The following IQGAP3 variants were observed in gnomAD, a reference collection of about 807,000 sequenced individuals.
IQGAP3 encodes the protein IQ motif containing GTPase activating protein 3.
Under a neutral mutation model 208.2 loss-of-function variants are expected in IQGAP3, and 165 were observed. The observed-to-expected ratio is 0.79, with a 90% CI of 0.70 to 0.90. The LOEUF is 0.90. Ranked by LOEUF, IQGAP3 falls within the 40% of genes least tolerant of loss-of-function variation. IQGAP3 has a pLI of 0.00. For synonymous variants in IQGAP3, 703 were observed against 803.6 expected, an observed-to-expected ratio of 0.87 and a Z score of 2.12; for missense variants, 1,811 against 2,043.1, an observed-to-expected ratio of 0.89 and a Z score of 2.19.
chr1:156,538,717 A>G, intron 26 of IQGAP3, 92 bp downstream of exon 26: 1 of 1,063,720 alleles, frequency 9.4e-7, no homozygotes, highest in Non-Finnish European at 1.4e-6. Flanking sequence ...CCACCTTCAA[A>G]GTACACCCAA....
At chr1:156,551,296 T>C (rs958975038) in intron 15 of IQGAP3, among the ~76,000 whole-genome samples, 4 of 152,218 alleles carry the variant, frequency 2.6e-5, no homozygotes, top group Admixed American at 2.0e-4. Flanking sequence ...CACTCTCTAC[T>C]GCAACATACT....
At chr1:156,552,964 C>T (rs189472677) in intron 13 of IQGAP3, among the ~76,000 whole-genome samples, 1 of 152,262 alleles carries the variant, frequency 6.6e-6, no homozygotes, top group East Asian at 1.9e-4. Context: ...GTCCTAGCTA[C>T]TTGGGAGGCT....
rs1204683864 is a variant in IQGAP3, at chr1:156,552,212, T to C, written c.1449-117A>G. The C allele has an allele frequency of 1.3e-5, 17 of 1,268,590 alleles. No homozygotes were observed. The South Asian group carries it at 2.3e-4, about 17-fold the overall frequency. 78.6% of individuals were successfully genotyped at this position (1,268,590 alleles called of 1,614,324 possible). On this transcript the variant is annotated intron_variant, in intron 13 of 37. Transcript: ENST00000361170. ...CCTCCAGGACACCACACTCTTTTAG[T>C]TCTCTTCTTGCCTCACAGGCTATTC...
intron 2 of IQGAP3, among the ~76,000 whole-genome samples, chr1:156,567,746 T>C (rs1169571987): frequency 6.6e-6 from 1 of 152,178 alleles, no homozygotes; most frequent in Admixed American, 6.5e-5. Flanking sequence ...ATCCTGTTGA[T>C]TAAAAGCAAA....
At chr1:156,550,386 C>G (rs780412982) in intron 15 of IQGAP3, 35 bp from the exon 16 acceptor site, 11 of 1,511,966 alleles carry the variant, frequency 7.3e-6, no homozygotes, top group Admixed American at 1.7e-5. Context: ...AGATGTGACC[C>G]CAAGCTAGTC....
Position 156,563,797 on chromosome 1 carries a change from G to T in IQGAP3, c.465C>A (p.Ala155=). ...TCCCGTATAGATCATGTATCTGAGG[G>T]GCCAATCCCAGCCGGAAGAGGAAGA... ...LSLFLFRLGL[A]PQIHDLYGKV... is the part of the protein sequence containing the mutation. Residue 155 remains alanine, a synonymous_variant, in exon 6 of 38, where the codon GCC becomes GCA. Coordinates refer to ENST00000361170, the MANE Select transcript of IQGAP3 (RefSeq NM_178229.5). 1 of 1,613,982 alleles carries T rather than the reference G, an allele frequency of 6.2e-7. No homozygotes were observed. Among genetic ancestry groups the T allele is most frequent in the Non-Finnish European group, 8.5e-7 (1 of 1,179,960 alleles).
chr1:156,555,379 C>T (rs1034900930), intron 12 of IQGAP3, among the ~76,000 whole-genome samples: 7 of 152,234 alleles, frequency 4.6e-5, no homozygotes, highest in South Asian at 2.1e-4. Context: ...TGTGCCACCA[C>T]CACACCTGGC....
At chr1:156,564,792 G>A (rs1406959131) in intron 4 of IQGAP3, 101 bp from the exon 5 acceptor site, 7 of 818,790 alleles carry the variant, frequency 8.5e-6, no homozygotes, top group Non-Finnish European at 1.5e-5. Context: ...CCAACCTGAG[G>A]TGTGTGTTCC....
At position 156,535,229 on chromosome 1, in the gene IQGAP3, CACATATCGCATCCCAT is replaced by C. The variant is rs1674637076; in HGVS notation, c.3425_3440del (p.Tyr1142TrpfsTer5). 1 of 1,612,724 alleles carries C rather than the reference CACATATCGCATCCCAT, an allele frequency of 6.2e-7. No individual in the cohort carries two copies. The highest frequency in any genetic ancestry group is 1.3e-5 in the African/African-American group (1 of 74,840). On this transcript the variant is annotated frameshift_variant and splice_region_variant, in exon 28 of 38. Coordinates refer to ENST00000361170, the MANE Select transcript of IQGAP3 (RefSeq NM_178229.5). LOFTEE classifies it high-confidence loss of function. ...CCAGAGTTGCCTTCAGGACTTTGGC[CACATATCGCATCCCAT>C]ACCTGGGGACAAAGAAACAGGTGCG...
chr1:156,559,611 G>A (rs937121410), intron 11 of IQGAP3, among the ~76,000 whole-genome samples: 1 of 152,196 alleles, frequency 6.6e-6, no homozygotes, highest in African/African-American at 2.4e-5. Flanking sequence ...TCACAGAGGA[G>A]GAAGCCTTGG....
At chr1:156,545,145 A>G (rs974031063) in intron 19 of IQGAP3, among the ~76,000 whole-genome samples, 1 of 152,096 alleles carries the variant, frequency 6.6e-6, no homozygotes, top group Admixed American at 6.6e-5. Context: ...CCTCTCCCCT[A>G]GCTGATCTGC....
Position 156,526,505 on chromosome 1 carries a change from T to C in IQGAP3, c.4877A>G (p.Lys1626Arg), listed in dbSNP as rs142700943. The part of the protein sequence containing the change: ...NVNLLIFLLN[K>R]KFLRK The stretch of plus-strand genomic sequence containing the variant: ...CCTCTGTCACTTCCGCAAAAACTTC[T>C]TGTTGAGGAGGAAGATGAGAAGGTT... The change falls in exon 38 of 38, where the codon AAG becomes AGG. Residue 1626 changes from lysine (K) to arginine (R), a missense_variant. Physicochemically the swap from Lys to Arg is conservative, Grantham distance 26. Coordinates refer to ENST00000361170, the MANE Select transcript of IQGAP3 (RefSeq NM_178229.5). 7.4e-5 allele frequency: 120 copies of C among 1,613,784 alleles called. 1 individual carries two copies. The East Asian group carries it at 2.0e-3, about 27-fold the overall frequency.
At chr1:156,550,053 A>G (rs1465479790) in intron 16 of IQGAP3, among the ~76,000 whole-genome samples, 1 of 152,042 alleles carries the variant, frequency 6.6e-6, no homozygotes, top group Non-Finnish European at 1.5e-5. Flanking sequence ...ATGGATTCTC[A>G]CCTCCTGAGA....
intron 2 of IQGAP3, among the ~76,000 whole-genome samples, chr1:156,569,080 A>ATT (rs2102450031): frequency 6.6e-6 from 1 of 152,270 alleles, no homozygotes; most frequent in East Asian, 1.9e-4. Context: ...AAATTTGAAA[A>ATT]TGGCTTGGGT....
intron 23 of IQGAP3, 124 bp downstream of exon 23, chr1:156,540,584 C>T: frequency 2.6e-6 from 2 of 783,310 alleles, no homozygotes; most frequent in Non-Finnish European, 4.2e-6. Flanking sequence ...GGAACAAGGA[C>T]CTGAGTCAGG....
At position 156,563,304 on chromosome 1, in the gene IQGAP3, C is replaced by G. The variant is rs1027870985; in HGVS notation, c.628G>C (p.Ala210Pro). Residue 210 changes from alanine to proline, a missense_variant, in exon 8 of 38, where the codon GCT becomes CCT. Physicochemically the swap from Ala to Pro is conservative, Grantham distance 27. Transcript: ENST00000361170. ...LSVDEAAVHA[A>P]VLAINEAVER... ...ACTGCTTCATTGATGGCAAGAACAG[C>G]TGCATGGACTGGGAGAGGGCATGGA... is the stretch of plus-strand genomic sequence containing the variant. 2 of 1,597,826 alleles carry G rather than the reference C, an allele frequency of 1.3e-6. No individual in the cohort carries two copies. Among genetic ancestry groups the G allele is most frequent in the African/African-American group, 2.7e-5 (2 of 74,588 alleles).
rs565268898 is a variant in IQGAP3, at chr1:156,565,338, A to C, written c.361-647T>G. 3.9e-5 allele frequency among the ~76,000 whole-genome samples: 6 copies of C among 152,356 alleles called. No individual in the cohort carries two copies. The South Asian group carries it at 1.2e-3, about 32-fold the overall frequency. On this transcript the variant is annotated intron_variant, in intron 4 of 37. Transcript: ENST00000361170. ...AATAAAAGACCAAATTTAGAGACCT[A>C]GAGTGTTCCAGTCCCACTGAAGACA...
At chr1:156,563,511 C>A (rs775158048) in intron 7 of IQGAP3, 42 bp downstream of exon 7, 1 of 1,518,780 alleles carries the variant, frequency 6.6e-7, no homozygotes, top group Non-Finnish European at 9.1e-7. Context: ...CCCTCCCATA[C>A]GCATTGAGCC....
chr1:156,530,566 G>A (rs732362), intron 33 of IQGAP3, among the ~76,000 whole-genome samples: 2 of 151,990 alleles, frequency 1.3e-5, no homozygotes, highest in Non-Finnish European at 2.9e-5. Flanking sequence ...TCACCACAGG[G>A]GAAGAGTGGC....
Sources: gnomAD v4.1 joint callset for allele counts (sites outside exome capture counted in the v4.1 genomes callset) on GRCh38, gnomAD v4.1.1 for gene constraint, MANE v1.5 for transcripts, NCBI Gene and HGNC (gene_info 2026-07-23, HGNC 2026-07-21) for gene names.